DNAH8: variants seen among roughly 807,000 people sequenced by gnomAD.
The protein encoded by DNAH8 is axonemal beta dynein heavy chain 8.
DNAH8 carries 382 observed loss-of-function variants against 562.1 expected under a neutral mutation model. That is an observed-to-expected ratio of 0.68 (90% CI 0.63 to 0.74). DNAH8 has a LOEUF of 0.74. Among genes scored for constraint, DNAH8 ranks in the 30% least tolerant of loss-of-function variants. The pLI is 0.00. For synonymous variants in DNAH8, 1,881 were observed against 1,919.4 expected (o/e 0.98, Z 0.52); for missense variants, 5,203 against 5,620.4 (o/e 0.93, Z 2.37).
chr6:38,812,158 C>A (rs1459581710), intron 24 of DNAH8, among the ~76,000 whole-genome samples: 1 of 152,112 alleles, frequency 6.6e-6, no homozygotes, highest in East Asian at 1.9e-4. Context: ...TCCTGTCCAT[C>A]CTCTATATTC....
intron 11 of DNAH8, chr6:38,762,976 T>C: frequency 2.7e-6 from 1 of 365,184 alleles, no homozygotes; most frequent in South Asian, 2.4e-5. Flanking sequence ...AGAATCAGGA[T>C]CATTATGCAG....
In DNAH8 at chr6:38,866,610, G is replaced by A. The variant is rs139579198; in HGVS notation, c.6518G>A (p.Arg2173His). The A allele has an allele frequency of 5.0e-6, 8 of 1,610,432 alleles. No homozygotes were observed. The highest frequency in any genetic ancestry group is 1.3e-5 in the African/African-American group (1 of 74,846). ...FLTMNPGYAG[R>H]QELPENLKIQ... ...TTTTAGAACCCTGGATATGCTGGGC[G>A]CCAGGAACTACCAGAAAACCTAAAA... Residue 2173 changes from arginine to histidine, a missense_variant, in exon 46 of 93, where the codon CGC becomes CAC. Arg to His is a conservative substitution (Grantham distance 29, BLOSUM62 0). This residue lies in a region of DNAH8 where 2,176 missense variants were observed against 2,365.1 expected (regional missense o/e 0.92). Transcript: ENST00000327475.
intron 33 of DNAH8, 63 bp from the exon 34 acceptor site, chr6:38,842,305 T>C: frequency 7.3e-7 from 1 of 1,375,942 alleles, no homozygotes; most frequent in Non-Finnish European, 1.0e-6. Flanking sequence ...ACTCTGCCTT[T>C]CCAATAATGG....
intron 85 of DNAH8, among the ~76,000 whole-genome samples, chr6:38,978,362 G>A (rs140517579): frequency 1.9e-4 from 29 of 152,178 alleles, no homozygotes; most frequent in African/African-American, 5.5e-4. Context: ...CCTACATTTC[G>A]TTTTCTTTCT....
At chr6:38,850,946 G>C (rs1391317934) in intron 38 of DNAH8, among the ~76,000 whole-genome samples, 1 of 152,178 alleles carries the variant, frequency 6.6e-6, no homozygotes, top group African/African-American at 2.4e-5. Context: ...ATAAGGTCAT[G>C]CTTCAGGATT....
At position 38,826,388 on chromosome 6, in the gene DNAH8, T is replaced by C. The variant is rs1773320149; in HGVS notation, c.4080T>C (p.Ile1360=). 2 of 1,580,414 alleles carry C rather than the reference T, an allele frequency of 1.3e-6. No individual in the cohort carries two copies. Among genetic ancestry groups the C allele is most frequent in the African/African-American group, 2.7e-5 (2 of 73,064 alleles). ...EIQMDMTLGP[I]EEAYAILNRF... ...AAATGGACATGACTTTGGGACCAATTGAAGTAAGAAATGATTGCATTTTTT... is the reference window on the plus strand; with the variant it reads ...AAATGGACATGACTTTGGGACCAATCGAAGTAAGAAATGATTGCATTTTTT... The change falls in exon 29 of 93, where the codon ATT becomes ATC. Residue 1360 remains isoleucine (I), a synonymous_variant. Coordinates refer to ENST00000327475, the MANE Select transcript of DNAH8 (RefSeq NM_001206927.2).
At chr6:38,849,571 GCT>G (rs1775574753) in intron 37 of DNAH8, among the ~76,000 whole-genome samples, 2 of 135,146 alleles carry the variant, frequency 1.5e-5, no homozygotes, top group African/African-American at 2.9e-5. Flanking sequence ...TTTTTTTTTT[GCT>G]TTTTTTTTTT....
At chr6:38,921,182 A>C (rs1214613906) in intron 70 of DNAH8, among the ~76,000 whole-genome samples, 187 bp from the exon 71 acceptor site, 3 of 152,158 alleles carry the variant, frequency 2.0e-5, no homozygotes, top group African/African-American at 7.2e-5. Context: ...ACACCTGGCC[A>C]GTAATTAAAA....
chr6:38,962,291 A>G (rs536587802), intron 82 of DNAH8, among the ~76,000 whole-genome samples: 1 of 152,234 alleles, frequency 6.6e-6, no homozygotes, highest in African/African-American at 2.4e-5. Flanking sequence ...TAGTAGAGGG[A>G]TATTAGAGCT....
Position 38,984,187 on chromosome 6 carries a change from T to C in DNAH8, c.12952-19T>C, listed in dbSNP as rs768021677. 2 of 1,414,954 alleles carry C rather than the reference T, an allele frequency of 1.4e-6. No individual in the cohort carries two copies. 87.6% of individuals were successfully genotyped at this position (1,414,954 alleles called of 1,614,324 possible). On this transcript the variant is annotated intron_variant, in intron 86 of 92. Coordinates refer to ENST00000327475, the MANE Select transcript of DNAH8 (RefSeq NM_001206927.2). Reference sequence around the variant, plus strand: ...TGTTTGGGTTGACAATTAATAATCCTTTTTTACTTTTAATAAAGGGTGTAT... The same window carrying C: ...TGTTTGGGTTGACAATTAATAATCCCTTTTTACTTTTAATAAAGGGTGTAT...
chr6:38,895,933 G>A, intron 59 of DNAH8, 100 bp from the exon 60 acceptor site: 2 of 934,716 alleles, frequency 2.1e-6, no homozygotes, highest in Non-Finnish European at 3.3e-6. Context: ...GTCCTGAATT[G>A]AGAAGGTCCA....
intron 80 of DNAH8, among the ~76,000 whole-genome samples, chr6:38,949,080 ATAGGGACGC>A (rs1382889667): frequency 6.6e-6 from 1 of 152,046 alleles, no homozygotes; most frequent in Non-Finnish European, 1.5e-5. Flanking sequence ...CATCTAGTGG[ATAGGGACGC>A]TGCTAAACAT....
chr6:38,792,962 T>TG (rs1769897935), intron 21 of DNAH8, among the ~76,000 whole-genome samples: 1 of 152,014 alleles, frequency 6.6e-6, no homozygotes, highest in African/African-American at 2.4e-5. Flanking sequence ...ACATTTTTTT[T>TG]GTAGAGACAG....
intron 1 of DNAH8, among the ~76,000 whole-genome samples, chr6:38,717,675 G>A (rs1762445185): frequency 1.3e-5 from 2 of 149,576 alleles, no homozygotes; most frequent in Admixed American, 1.3e-4. Flanking sequence ...TTAGGAAATT[G>A]GAAAGTAAAA....
Position 38,815,657 on chromosome 6 carries a change from A to C in DNAH8, c.3523A>C (p.Arg1175=), listed in dbSNP as rs946418532. ...AGGAAAACTGCTGAAGAAGGAAGAA[A>C]GTAAGAATGTAAAATTAGTCAATGA... ...NTGKLLKKEE[R]SFEEAIPARK... The change falls in exon 26 of 93, where the codon AGA becomes CGA. Residue 1175 remains arginine, a splice_region_variant and synonymous_variant. Transcript: ENST00000327475. 1.2e-6 allele frequency: 2 copies of C among 1,609,396 alleles called. No homozygotes were observed. The highest frequency in any genetic ancestry group is 4.5e-5 in the East Asian group (2 of 44,516).
chr6:38,849,338 A>G (rs1300987703), intron 37 of DNAH8, among the ~76,000 whole-genome samples: 1 of 152,176 alleles, frequency 6.6e-6, no homozygotes, highest in East Asian at 1.9e-4. Context: ...TACTACTAGC[A>G]GATCAGAACA....
intron 26 of DNAH8, among the ~76,000 whole-genome samples, chr6:38,819,467 A>G (rs1216819538): frequency 6.6e-6 from 1 of 152,172 alleles, no homozygotes; most frequent in African/African-American, 2.4e-5. Context: ...TTCTGTAAGT[A>G]TATTTCACTT....
intron 62 of DNAH8, among the ~76,000 whole-genome samples, chr6:38,904,416 G>C (rs140897153): frequency 6.6e-6 from 1 of 152,248 alleles, no homozygotes; most frequent in African/African-American, 2.4e-5. Flanking sequence ...GGGGGCTTGC[G>C]ATGGAGAGTG....
chr6:39,018,482 G>A (rs1303986262), intron 91 of DNAH8, among the ~76,000 whole-genome samples: 2 of 152,174 alleles, frequency 1.3e-5, no homozygotes, highest in Non-Finnish European at 2.9e-5. Context: ...GGCAACTTCT[G>A]TCCTTGGCCT....
Sources: allele counts gnomAD v4.1 joint callset (sites outside exome capture counted in the v4.1 genomes callset), GRCh38; gene constraint gnomAD v4.1.1; regional missense constraint gnomAD v4.1.1; transcripts MANE v1.5; gene names NCBI Gene and HGNC (gene_info 2026-07-23, HGNC 2026-07-21).